Variants in TSPAN14 observed in about 807,000 individuals in gnomAD.
TSPAN14 encodes the protein tetraspanin-14.
TSPAN14 carries 16 observed loss-of-function variants against 36.6 expected under a neutral mutation model. The observed-to-expected ratio is 0.44, with a 90% CI of 0.30 to 0.66. The LOEUF is 0.66. Ranked by LOEUF, TSPAN14 falls within the 30% of genes least tolerant of loss-of-function variation. The probability of loss-of-function intolerance (pLI) is 0.12; values close to 1 mark genes in which losing one functional copy is unlikely to be tolerated. For missense variants in TSPAN14, 231 were observed against 355.1 expected, an observed-to-expected ratio of 0.65 and a Z score of 2.81; for synonymous variants, 139 against 143.8, an observed-to-expected ratio of 0.97 and a Z score of 0.24.
intron 1 of TSPAN14, among the ~76,000 whole-genome samples, chr10:80,457,981 C>T (rs1400504878): frequency 6.6e-6 from 1 of 152,194 alleles, no homozygotes; most frequent in Non-Finnish European, 1.5e-5. Flanking sequence ...ATCCCTGTGT[C>T]CTGCCACTGA....
At chr10:80,483,103 A>G (rs1458478846) in intron 1 of TSPAN14, among the ~76,000 whole-genome samples, 2 of 152,130 alleles carry the variant, frequency 1.3e-5, no homozygotes, top group African/African-American at 2.4e-5. Context: ...TACTTTTTTA[A>G]TTTAAAAAAG....
chr10:80,520,753 C>G (rs774535292), exon 9 of TSPAN14: 16 of 533,400 alleles, frequency 3.0e-5, no homozygotes, highest in Non-Finnish European at 5.4e-5. Flanking sequence ...TTCCTTTGCA[C>G]CACCCACCAT....
At chr10:80,462,364 T>TGGGGTGGGGTGGGAG (rs1846022123) in intron 1 of TSPAN14, among the ~76,000 whole-genome samples, 1 of 20,536 alleles carries the variant, frequency 4.9e-5, no homozygotes, top group African/African-American at 2.3e-4. Flanking sequence ...TGGGATGGGA[T>TGGGGTGGGGTGGGAG]GGGATGGGGT....
intron 2 of TSPAN14, among the ~76,000 whole-genome samples, chr10:80,499,076 A>G (rs543397753): frequency 6.6e-6 from 1 of 152,356 alleles, no homozygotes; most frequent in African/African-American, 2.4e-5. Flanking sequence ...GGAGTTGCCA[A>G]GTACTTTTAT....
At chr10:80,458,235 AGCGAG>A (rs1845817724) in intron 1 of TSPAN14, among the ~76,000 whole-genome samples, 1 of 98,982 alleles carries the variant, frequency 1.0e-5, no homozygotes. Flanking sequence ...AAGCAGTGGT[AGCGAG>A]GTGACTGAAG....
intron 1 of TSPAN14, among the ~76,000 whole-genome samples, chr10:80,482,984 C>T (rs567813594): frequency 1.3e-5 from 2 of 152,316 alleles, no homozygotes; most frequent in South Asian, 4.1e-4. Flanking sequence ...ATCCACCTGT[C>T]TCAGCCTCCC....
At chr10:80,493,430 A>AT (rs1441306675) in intron 2 of TSPAN14, among the ~76,000 whole-genome samples, 2 of 152,358 alleles carry the variant, frequency 1.3e-5, no homozygotes, top group Non-Finnish European at 2.9e-5. Context: ...TGAAAGCAGG[A>AT]TCTCGAAGAG....
chr10:80,463,781 C>T (rs552381443), intron 1 of TSPAN14, among the ~76,000 whole-genome samples: 5 of 152,220 alleles, frequency 3.3e-5, no homozygotes, highest in Non-Finnish European at 5.9e-5. Flanking sequence ...AAGAAACATG[C>T]GGCTTTGATT....
intron 5 of TSPAN14, among the ~76,000 whole-genome samples, chr10:80,511,316 AG>A (rs1311129659): frequency 6.6e-6 from 1 of 152,234 alleles, no homozygotes; most frequent in Non-Finnish European, 1.5e-5. Context: ...TCTTTTCCTC[AG>A]GAGCAGACAC....
At chr10:80,464,536 T>G (rs1295601479) in intron 1 of TSPAN14, among the ~76,000 whole-genome samples, 8 of 152,160 alleles carry the variant, frequency 5.3e-5, no homozygotes, top group Admixed American at 5.2e-4. Flanking sequence ...AGGGAGACTT[T>G]AGGGCTGGCT....
At chr10:80,465,988 G>C (rs770172321) in intron 1 of TSPAN14, among the ~76,000 whole-genome samples, 4 of 152,084 alleles carry the variant, frequency 2.6e-5, no homozygotes, top group Non-Finnish European at 5.9e-5. Flanking sequence ...CTCACCCGCT[G>C]TCTGACTTCT....
chr10:80,472,938 AGC>A (rs1486929684), intron 1 of TSPAN14, among the ~76,000 whole-genome samples: 1 of 152,160 alleles, frequency 6.6e-6, no homozygotes, highest in Admixed American at 6.5e-5. Flanking sequence ...TTCTGGAGGC[AGC>A]TCCTGAGCCG....
intron 1 of TSPAN14, among the ~76,000 whole-genome samples, chr10:80,470,104 GAGAC>G (rs1048892659): frequency 2.0e-5 from 3 of 150,610 alleles, no homozygotes; most frequent in African/African-American, 7.3e-5. Context: ...TTTTCTTTTT[GAGAC>G]AGAGTCTTGC....
chr10:80,470,171 C>T (rs531983802), intron 1 of TSPAN14, among the ~76,000 whole-genome samples: 4 of 152,250 alleles, frequency 2.6e-5, no homozygotes, highest in African/African-American at 4.8e-5. Context: ...CTGAAATCTC[C>T]GCCTCCCAGA....
At chr10:80,482,212 T>C (rs1363347548) in intron 1 of TSPAN14, among the ~76,000 whole-genome samples, 1 of 152,238 alleles carries the variant, frequency 6.6e-6, no homozygotes, top group Non-Finnish European at 1.5e-5. Flanking sequence ...TATGTGCAGT[T>C]ATGATTTTGA....
intron 2 of TSPAN14, among the ~76,000 whole-genome samples, chr10:80,498,161 C>T (rs1264727936): frequency 4.6e-5 from 7 of 152,192 alleles, no homozygotes; most frequent in Admixed American, 1.3e-4. Context: ...TCTATTCAAT[C>T]GTCAGCATTT....
Position 80,473,826 on chromosome 10 carries a change from G to A in TSPAN14, c.-17-15391G>A, listed in dbSNP as rs528187011. The stretch of plus-strand genomic sequence containing the variant: ...TTGGGTTAATGAGGGAATGGGTCAG[G>A]GATGTGCATGGACAGTTCTGGCTCT... On this transcript the variant is annotated intron_variant, in intron 1 of 8. Transcript: ENST00000429989. Among the ~76,000 whole-genome samples, 21 of 152,054 alleles carry A rather than the reference G, an allele frequency of 1.4e-4. 1 individual carries two copies. In the South Asian group the frequency reaches 4.2e-3, roughly 30 times the overall value.
intron 2 of TSPAN14, among the ~76,000 whole-genome samples, chr10:80,497,080 TTTAATATCA>T (rs1848237477): frequency 6.6e-6 from 1 of 152,250 alleles, no homozygotes; most frequent in Admixed American, 6.5e-5. Context: ...ACATCTTTCA[TTTAATATCA>T]TATGTGAGAT....
chr10:80,504,809 T>C (rs772611037), intron 3 of TSPAN14, 31 bp downstream of exon 3: 1 of 1,613,858 alleles, frequency 6.2e-7, no homozygotes, highest in East Asian at 2.2e-5. Context: ...ACACTGAGCT[T>C]CAGGCAGCCA....
Sources: allele counts gnomAD v4.1 joint callset (sites outside exome capture counted in the v4.1 genomes callset), GRCh38; gene constraint gnomAD v4.1.1; transcripts MANE v1.5; gene names NCBI Gene and HGNC (gene_info 2026-07-23, HGNC 2026-07-21).